FRG1: variants seen among roughly 807,000 people sequenced by gnomAD.
FRG1 encodes the protein FSHD region gene 1, also known as protein FRG1.
Under a neutral mutation model 37.0 loss-of-function variants are expected in FRG1, and 19 were observed. The ratio of observed to expected loss-of-function variants is 0.51; its 90% CI spans 0.36 to 0.75. The LOEUF is 0.75. Among genes scored for constraint, FRG1 ranks in the 30% least tolerant of loss-of-function variants. FRG1 has a pLI of 0.00. For synonymous variants in FRG1, 73 were observed against 96.5 expected, an observed-to-expected ratio of 0.76 and a Z score of 1.43; for missense variants, 243 against 301.4, an observed-to-expected ratio of 0.81 and a Z score of 1.44.
rs766701014 is a variant in FRG1 at position 189,953,157 on chromosome 4, A to G, written c.317+32A>G. ...TTATGTTGTAATATAATTAGTAACC[A>G]GTTATTTTAAAAATTTAATTGTATT... On this transcript the variant is annotated intron_variant, in intron 4 of 8. Transcript: ENST00000226798. The G allele has an allele frequency of 3.3e-6, 5 of 1,534,048 alleles. No individual in the cohort carries two copies. In the South Asian group the frequency reaches 6.5e-5, roughly 20 times the overall value.
At chr4:189,958,781 A>AT (rs34276026) in intron 6 of FRG1, among the ~76,000 whole-genome samples, 44,163 of 152,084 alleles carry the variant, frequency 0.29, 6,525 homozygotes, top group Middle Eastern at 0.43. Context: ...TTAAGGCTTA[A>AT]TTTTTTAGAC....
intron 5 of FRG1, 28 bp downstream of exon 5, chr4:189,955,179 T>C: frequency 7.3e-7 from 1 of 1,362,734 alleles, no homozygotes. Flanking sequence ...TTATAAAAAC[T>C]TCCTGTCAGT....
intron 2 of FRG1, among the ~76,000 whole-genome samples, chr4:189,946,758 T>G (rs1466150876): frequency 6.6e-6 from 1 of 152,260 alleles, no homozygotes; most frequent in Non-Finnish European, 1.5e-5. Flanking sequence ...CTAATTCATT[T>G]ATAGTATAGT....
chr4:189,959,161 TAA>T, intron 6 of FRG1, among the ~76,000 whole-genome samples: 1 of 152,252 alleles, frequency 6.6e-6, no homozygotes, highest in Non-Finnish European at 1.5e-5. Context: ...TTTCCTGTCA[TAA>T]GTTTGATTTT....
At chr4:189,958,073 A>G (rs1220614742) in intron 6 of FRG1, among the ~76,000 whole-genome samples, 1 of 150,838 alleles carries the variant, frequency 6.6e-6, no homozygotes, top group Non-Finnish European at 1.5e-5. Flanking sequence ...TGTATCTTGG[A>G]GAGTTTTCTA....
At chr4:189,953,928 T>C in intron 4 of FRG1, among the ~76,000 whole-genome samples, 1 of 152,068 alleles carries the variant, frequency 6.6e-6, no homozygotes, top group South Asian at 2.1e-4. Context: ...AACTGACAAA[T>C]GAGGAAAATA....
chr4:189,961,850 A>G lies in FRG1; in HGVS notation c.658A>G (p.Lys220Glu). 6.3e-7 allele frequency: 1 copy of G among 1,581,568 alleles called. No individual in the cohort carries two copies. ...VKKFQSFQDHKLKISKEDSKI... is the reference protein window; with the variant it reads ...VKKFQSFQDHELKISKEDSKI... ...GAAATTTCAGAGCTTCCAAGACCAC[A>G]AACTTAAAATAAGTAAAGAAGACAG... is the stretch of plus-strand genomic sequence containing the variant. The change falls in exon 8 of 9, where the codon AAA becomes GAA. Residue 220 changes from lysine (K) to glutamate (E), a missense_variant. Around this residue, in one of 2 missense-constraint regions of FRG1, gnomAD observed 133 missense variants for 199.3 expected, o/e 0.67. Transcript: ENST00000226798.
Position 189,940,958 on chromosome 4 carries a change from A to G in FRG1, c.-52A>G. 2 of 1,484,420 alleles carry G rather than the reference A, an allele frequency of 1.3e-6. No individual in the cohort carries two copies. Among genetic ancestry groups the G allele is most frequent in the Non-Finnish European group, 1.9e-6 (2 of 1,067,066 alleles). 92.0% of individuals were successfully genotyped at this position (1,484,420 alleles called of 1,614,324 possible). On this transcript the variant is annotated 5_prime_UTR_variant, in exon 1 of 9. Transcript: ENST00000226798. ...GCGCCCCTGTGCTGCCCCGACTCAC[A>G]TACTCGTCCAGAACCGGCCTCAGCC...
At chr4:189,956,340 C>A (rs946391913) in intron 5 of FRG1, among the ~76,000 whole-genome samples, 2 of 152,028 alleles carry the variant, frequency 1.3e-5, no homozygotes, top group African/African-American at 4.8e-5. Context: ...AAAAGTTACA[C>A]CGGTAGAAAA....
chr4:189,960,829 A>G lies in FRG1; in HGVS notation c.619A>G (p.Ile207Val). Reference sequence around the variant, plus strand: ...CAAAGGAAATGTAAAACAATGTGAAATCAATTATGTGTATGTATTCTTTTC... The same window carrying G: ...CAAAGGAAATGTAAAACAATGTGAAGTCAATTATGTGTATGTATTCTTTTC... Reference protein sequence around the residue: ...EDKGNVKQCEINYVKKFQSFQ... With the variant: ...EDKGNVKQCEVNYVKKFQSFQ... The change falls in exon 7 of 9, where the codon ATC (isoleucine) becomes GTC (valine). Residue 207 changes from isoleucine (I) to valine (V), a missense_variant. Ile to Val is a conservative substitution (Grantham distance 29, BLOSUM62 3). Coordinates refer to ENST00000226798, the MANE Select transcript of FRG1 (RefSeq NM_004477.3). The G allele has an allele frequency of 6.2e-7, 1 of 1,605,496 alleles. No individual in the cohort carries two copies. Among genetic ancestry groups the G allele is most frequent in the Non-Finnish European group, 8.5e-7 (1 of 1,178,142 alleles).
chr4:189,946,045 A>G (rs1736513267), intron 2 of FRG1, among the ~76,000 whole-genome samples: 1 of 152,174 alleles, frequency 6.6e-6, no homozygotes, highest in Non-Finnish European at 1.5e-5. Flanking sequence ...ATTGTTCAGA[A>G]TATTCCTTTA....
intron 1 of FRG1, chr4:189,941,828 G>A: frequency 2.3e-6 from 1 of 435,518 alleles, no homozygotes; most frequent in Non-Finnish European, 4.6e-6. Flanking sequence ...TTTTTTAACT[G>A]GCAGATTTGC....
chr4:189,949,148 G>C (rs1736651455), intron 2 of FRG1, among the ~76,000 whole-genome samples: 1 of 152,178 alleles, frequency 6.6e-6, no homozygotes, highest in Non-Finnish European at 1.5e-5. Flanking sequence ...CTTAAATTCA[G>C]CTTGGGCATC....
intron 2 of FRG1, among the ~76,000 whole-genome samples, chr4:189,945,154 A>C (rs945996730): frequency 6.6e-6 from 1 of 152,176 alleles, no homozygotes; most frequent in Non-Finnish European, 1.5e-5. Flanking sequence ...TATTACTTCT[A>C]GTGGTTTGCT....
chr4:189,950,428 T>A (rs1176567934), intron 2 of FRG1, among the ~76,000 whole-genome samples: 1 of 152,184 alleles, frequency 6.6e-6, no homozygotes, highest in Non-Finnish European at 1.5e-5. Context: ...ATGTTCTACA[T>A]AAGAAATCAT....
chr4:189,954,398 TAAGAG>T (rs974716873), intron 4 of FRG1, among the ~76,000 whole-genome samples: 1 of 136,712 alleles, frequency 7.3e-6, no homozygotes, highest in Non-Finnish European at 1.6e-5. Flanking sequence ...CTATTTATAA[TAAGAG>T]AAAAAGTAAG....
chr4:189,953,152 T>C, intron 4 of FRG1, 27 bp downstream of exon 4: 1 of 1,540,048 alleles, frequency 6.5e-7, no homozygotes, highest in East Asian at 2.4e-5. Context: ...ATATAATTAG[T>C]AACCAGTTAT....
At chr4:189,958,909 A>C (rs1737105079) in intron 6 of FRG1, among the ~76,000 whole-genome samples, 1 of 152,220 alleles carries the variant, frequency 6.6e-6, no homozygotes, top group Non-Finnish European at 1.5e-5. Context: ...AGTACTGAGC[A>C]TCCTGAACCT....
intron 2 of FRG1, among the ~76,000 whole-genome samples, chr4:189,948,857 A>G (rs1255694901): frequency 6.6e-6 from 1 of 152,264 alleles, no homozygotes; most frequent in African/African-American, 2.4e-5. Flanking sequence ...CACCCAGCTA[A>G]TTTCTTAATT....
Sources: gnomAD v4.1 joint callset for allele counts (sites outside exome capture counted in the v4.1 genomes callset) on GRCh38, gnomAD v4.1.1 for gene constraint, gnomAD v4.1.1 regional missense constraint, MANE v1.5 for transcripts, NCBI Gene and HGNC (gene_info 2026-07-23, HGNC 2026-07-21) for gene names.